Variants in PARD3B observed in about 807,000 individuals in gnomAD.
PARD3B encodes partitioning defective 3 homolog B.
A neutral mutation model predicts 130.2 loss-of-function variants in PARD3B; 103 were observed. The ratio of observed to expected loss-of-function variants is 0.79; its 90% confidence interval spans 0.67 to 0.93. PARD3B has a LOEUF of 0.93. Among genes scored for constraint, PARD3B ranks in the 40% least tolerant of loss-of-function variants. The probability of loss-of-function intolerance (pLI) is 0.00; values close to 1 mark genes in which losing one functional copy is unlikely to be tolerated. For synonymous variants in PARD3B, 583 were observed against 553.2 expected (o/e 1.05, Z -0.76); for missense variants, 1,609 against 1,499.2 (o/e 1.07, Z -1.21).
intron 6 of PARD3B, 58 bp from the exon 7 acceptor site, chr2:205,118,863 A>G (rs2030264639): frequency 6.7e-6 from 8 of 1,201,342 alleles, no homozygotes; most frequent in Non-Finnish European, 9.2e-6. Flanking sequence ...TTGCAAGTGG[A>G]GAAATAATTA....
intron 3 of PARD3B, among the ~76,000 whole-genome samples, chr2:205,039,903 A>G (rs1273527429): frequency 1.3e-5 from 2 of 152,212 alleles, no homozygotes; most frequent in African/African-American, 4.8e-5. Flanking sequence ...CTAGAGTAGA[A>G]ATAAAGTTCA....
chr2:205,340,192 A>T (rs191037411), intron 18 of PARD3B, among the ~76,000 whole-genome samples: 93 of 152,246 alleles, frequency 6.1e-4, no homozygotes, highest in Non-Finnish European at 9.1e-4. Context: ...TTTTAACATT[A>T]TTAATTCTGA....
At position 205,021,617 on chromosome 2, in the gene PARD3B, T is replaced by TCTCC. The variant is rs1230603105; in HGVS notation, c.395-25960_395-25957dup. On this transcript the variant is annotated intron_variant, in intron 3 of 22. Transcript: ENST00000406610. The surrounding 1 kb of genome is among the most constrained non-coding windows in gnomAD (Gnocchi z 4.5). Reference sequence around the variant, plus strand: ...TCTTCTCTCTCTCTCTCTCTCTCTCTCTCCCTCTCTCTTTCTCTCTCTCTC... The same window carrying TCTCC: ...TCTTCTCTCTCTCTCTCTCTCTCTCTCTCCCTCCCTCTCTCTTTCTCTCTCTCTC... Among the ~76,000 whole-genome samples, 2 of 138,690 alleles carry TCTCC rather than the reference T, an allele frequency of 1.4e-5. No individual in the cohort carries two copies. Among genetic ancestry groups the TCTCC allele is most frequent in the East Asian group, 2.0e-4 (1 of 5,028 alleles). The allele number at this position is 138,690 out of a possible 152,430, so 91.0% of individuals were successfully genotyped here.
chr2:204,587,454 T>G (rs2032875985), intron 1 of PARD3B, among the ~76,000 whole-genome samples: 1 of 152,244 alleles, frequency 6.6e-6, no homozygotes, highest in Admixed American at 6.5e-5. Context: ...GTAGTCACTT[T>G]CACTTTGGAG....
chr2:204,977,281 A>G (rs891227760), intron 3 of PARD3B, among the ~76,000 whole-genome samples: 2 of 152,148 alleles, frequency 1.3e-5, no homozygotes, highest in African/African-American at 4.8e-5. Flanking sequence ...TATGGTTCAC[A>G]AGAATTTTCT....
intron 1 of PARD3B, among the ~76,000 whole-genome samples, chr2:204,599,879 A>T (rs561443014): frequency 6.6e-6 from 1 of 151,536 alleles, no homozygotes; most frequent in African/African-American, 2.4e-5. Context: ...GATTATAGCC[A>T]TTCTAACTGG....
chr2:204,798,952 C>T (rs2042469509), intron 2 of PARD3B, among the ~76,000 whole-genome samples: 1 of 151,876 alleles, frequency 6.6e-6, no homozygotes, highest in Non-Finnish European at 1.5e-5. Flanking sequence ...CCAGCGCATT[C>T]CCGCCTTTCT....
At chr2:204,873,598 T>C (rs549253218) in intron 2 of PARD3B, among the ~76,000 whole-genome samples, 2 of 152,206 alleles carry the variant, frequency 1.3e-5, no homozygotes, top group South Asian at 4.1e-4. Context: ...CTTTTGAGGG[T>C]AGGCAAACAG....
rs1223843692 is a variant in PARD3B, at chr2:204,998,348, ATATATATATATG to A, written c.394+33027_394+33038del. 9.9e-3 allele frequency among the ~76,000 whole-genome samples: 777 copies of A among 78,372 alleles called. 29 individuals carry two copies. Among genetic ancestry groups the A allele is most frequent in the South Asian group, 0.02 (61 of 2,982 alleles). The allele number at this position is 78,372 out of a possible 152,430, so 51.4% of individuals were successfully genotyped here. On this transcript the variant is annotated intron_variant, in intron 3 of 22. Coordinates refer to ENST00000406610, the MANE Select transcript of PARD3B (RefSeq NM_001302769.2). ...TATATATATATATATATATATATATATATATATATATGTGTGTGTGTGTGTGTATATATGTGT... is the reference window on the plus strand; with the variant it reads ...TATATATATATATATATATATATATATGTGTGTGTGTGTGTATATATGTGT...
chr2:204,589,728 C>G (rs1253745256), intron 1 of PARD3B, among the ~76,000 whole-genome samples: 1 of 152,148 alleles, frequency 6.6e-6, no homozygotes, highest in African/African-American at 2.4e-5. Flanking sequence ...CTAAGATAAC[C>G]ATGAGTTTTG....
intron 10 of PARD3B, among the ~76,000 whole-genome samples, chr2:205,133,847 T>C (rs1159375268): frequency 6.6e-6 from 1 of 152,218 alleles, no homozygotes; most frequent in African/African-American, 2.4e-5. Context: ...CCACACTCAA[T>C]TTGATTGTGC....
At chr2:204,983,653 C>A (rs984724796) in intron 3 of PARD3B, among the ~76,000 whole-genome samples, 6 of 152,126 alleles carry the variant, frequency 3.9e-5, no homozygotes, top group Non-Finnish European at 1.5e-5. Flanking sequence ...CTCTGACCTT[C>A]GTTCCGTTTC....
At chr2:204,700,161 G>T (rs1361564258) in intron 2 of PARD3B, among the ~76,000 whole-genome samples, 1 of 152,062 alleles carries the variant, frequency 6.6e-6, no homozygotes, top group East Asian at 1.9e-4. Context: ...TTATTGAGAT[G>T]AATACTTCAA....
intron 15 of PARD3B, among the ~76,000 whole-genome samples, chr2:205,228,940 C>T (rs2038700383): frequency 6.6e-6 from 1 of 151,162 alleles, no homozygotes; most frequent in South Asian, 2.1e-4. Context: ...TCCAGAATTT[C>T]TGTTTGATTC....
intron 4 of PARD3B, among the ~76,000 whole-genome samples, chr2:205,089,156 T>TC (rs1004973809): frequency 6.7e-6 from 1 of 150,082 alleles, no homozygotes; most frequent in African/African-American, 2.5e-5. Context: ...CTTTTTTTTT[T>TC]TTCTTTTTTT....
At chr2:204,738,038 A>G (rs903347970) in intron 2 of PARD3B, among the ~76,000 whole-genome samples, 7 of 152,124 alleles carry the variant, frequency 4.6e-5, no homozygotes, top group African/African-American at 1.7e-4. Flanking sequence ...TTTGCTTAGG[A>G]TAGCTTTGGC....
intron 2 of PARD3B, among the ~76,000 whole-genome samples, chr2:204,864,275 A>C (rs1359192111): frequency 1.3e-5 from 2 of 152,156 alleles, no homozygotes; most frequent in Non-Finnish European, 2.9e-5. Context: ...TTTCCATGAT[A>C]AAACCATCCA....
In PARD3B at chr2:204,956,852, T is replaced by C. The variant is rs561332660; in HGVS notation, c.223-8300T>C. ...TTAAACTTTCTGAAAATTTGTGTTA[T>C]TCTGTGATGCTTGAAACTTCTCCCT... is the stretch of plus-strand genomic sequence containing the variant. On this transcript the variant is annotated intron_variant, in intron 2 of 22. Transcript: ENST00000406610. Among the ~76,000 whole-genome samples the C allele has an allele frequency of 3.3e-5, 5 of 152,330 alleles. No individual in the cohort carries two copies. The South Asian group carries it at 1.0e-3, about 32-fold the overall frequency.
intron 2 of PARD3B, among the ~76,000 whole-genome samples, chr2:204,734,614 C>T (rs1559099985): frequency 6.6e-6 from 1 of 152,106 alleles, no homozygotes; most frequent in Non-Finnish European, 1.5e-5. Flanking sequence ...GGATGAGTCT[C>T]AAAAGTGTTT....
Sources: allele counts gnomAD v4.1 joint callset (sites outside exome capture counted in the v4.1 genomes callset), GRCh38; gene constraint gnomAD v4.1.1; non-coding constraint Gnocchi (gnomAD v3.1); transcripts MANE v1.5; gene names NCBI Gene and HGNC (gene_info 2026-07-23, HGNC 2026-07-21).